PDE1A: variants seen among roughly 807,000 people sequenced by gnomAD.
PDE1A encodes the protein dual specificity calcium/calmodulin-dependent 3',5'-cyclic nucleotide phosphodiesterase 1A.
In PDE1A, 35 loss-of-function variants were observed where a neutral mutation model predicts 61.7. That is an observed-to-expected ratio of 0.57 (90% CI 0.43 to 0.75). PDE1A has a LOEUF of 0.75. Ranked by LOEUF, PDE1A falls within the 30% of genes least tolerant of loss-of-function variation. PDE1A has a pLI of 0.00. For synonymous variants in PDE1A, 232 were observed against 213.2 expected (o/e 1.09, Z -0.77); for missense variants, 597 against 630.6 (o/e 0.95, Z 0.57).
chr2:182,463,304 A>T (rs1361827091), intron 2 of PDE1A, among the ~76,000 whole-genome samples: 1 of 151,902 alleles, frequency 6.6e-6, no homozygotes, highest in Non-Finnish European at 1.5e-5. Flanking sequence ...AAGGGTCTCA[A>T]TGTATCTGAA....
At chr2:182,441,560 G>A (rs750291748) in intron 2 of PDE1A, among the ~76,000 whole-genome samples, 28 of 151,990 alleles carry the variant, frequency 1.8e-4, no homozygotes, top group Non-Finnish European at 3.5e-4. Flanking sequence ...TGTCCAGTGA[G>A]AGGAGCAAGA....
intron 2 of PDE1A, among the ~76,000 whole-genome samples, chr2:182,262,402 A>G (rs1692291202): frequency 6.6e-6 from 1 of 152,050 alleles, no homozygotes; most frequent in Non-Finnish European, 1.5e-5. Context: ...AATAGCTGGG[A>G]CTACAGACAC....
intron 7 of PDE1A, among the ~76,000 whole-genome samples, chr2:182,214,265 C>A (rs1278602451): frequency 6.6e-6 from 1 of 151,696 alleles, no homozygotes; most frequent in Non-Finnish European, 1.5e-5. Flanking sequence ...CTGAAGGAAG[C>A]ACTAAACATG....
At chr2:182,540,951 A>G in the PDE1A span, among the ~76,000 whole-genome samples, 1 of 152,194 alleles carries the variant, frequency 6.6e-6, no homozygotes, top group African/African-American at 2.4e-5. Context: ...ATTCCATGCA[A>G]GAAAACTCAA....
At chr2:182,185,623 A>C (rs907481481) in intron 13 of PDE1A, among the ~76,000 whole-genome samples, 2 of 152,164 alleles carry the variant, frequency 1.3e-5, no homozygotes, top group Non-Finnish European at 2.9e-5. Flanking sequence ...TTTTGTCACC[A>C]TTTCATTATC....
At chr2:182,633,602 G>C in the PDE1A span, among the ~76,000 whole-genome samples, 2 of 152,176 alleles carry the variant, frequency 1.3e-5, no homozygotes, top group African/African-American at 4.8e-5. Context: ...AGCAGAAATA[G>C]GAATCATGTG....
chr2:182,567,965 G>C, the PDE1A span, among the ~76,000 whole-genome samples: 1 of 151,492 alleles, frequency 6.6e-6, no homozygotes, highest in African/African-American at 2.4e-5. Flanking sequence ...GCTAATTTTT[G>C]TATTTTTAGT....
intron 2 of PDE1A, among the ~76,000 whole-genome samples, chr2:182,450,203 A>G (rs144665010): frequency 1.3e-5 from 2 of 152,180 alleles, no homozygotes; most frequent in East Asian, 1.9e-4. Flanking sequence ...CTTTTATTCA[A>G]TACCAAAGGA....
At chr2:182,400,738 A>AGGG (rs372557212) in intron 1 of PDE1A, among the ~76,000 whole-genome samples, 5 of 152,336 alleles carry the variant, frequency 3.3e-5, no homozygotes, top group Non-Finnish European at 5.9e-5. Context: ...GAAAAATATT[A>AGGG]GGAAATCAAG....
the PDE1A span, among the ~76,000 whole-genome samples, chr2:182,532,034 C>CTT: frequency 1.3e-5 from 2 of 152,080 alleles, no homozygotes; most frequent in African/African-American, 2.4e-5. Context: ...TGAACTCATT[C>CTT]TTTTTTGTGG....
intron 2 of PDE1A, among the ~76,000 whole-genome samples, chr2:182,438,894 T>C (rs563416768): frequency 1.3e-5 from 2 of 152,098 alleles, no homozygotes; most frequent in East Asian, 3.9e-4. Flanking sequence ...GAAAATATTT[T>C]TTAGGATTAC....
intron 1 of PDE1A, among the ~76,000 whole-genome samples, chr2:182,319,098 T>G (rs1287503698): frequency 2.0e-5 from 3 of 152,138 alleles, no homozygotes; most frequent in African/African-American, 7.2e-5. Flanking sequence ...TTCGGTAATT[T>G]TTGCTTTTGC....
chr2:182,378,566 C>T (rs1427098269), intron 1 of PDE1A, among the ~76,000 whole-genome samples: 2 of 152,072 alleles, frequency 1.3e-5, no homozygotes, highest in African/African-American at 4.8e-5. Context: ...TTGTCATGAC[C>T]ATAGTGATTT....
chr2:182,428,425 G>C (rs377292217), upstream of PDE1A, among the ~76,000 whole-genome samples: 1 of 151,996 alleles, frequency 6.6e-6, no homozygotes, highest in African/African-American at 2.4e-5. Context: ...AAATAAGGAA[G>C]CTATAAATAA....
intron 2 of PDE1A, among the ~76,000 whole-genome samples, chr2:182,256,563 G>A (rs374168642): frequency 1.1e-4 from 17 of 152,076 alleles, no homozygotes; most frequent in South Asian, 2.1e-4. Flanking sequence ...ACATGCACAC[G>A]TATGTTTATT....
At chr2:182,265,120 G>C (rs1410123990) in intron 1 of PDE1A, among the ~76,000 whole-genome samples, 1 of 151,122 alleles carries the variant, frequency 6.6e-6, no homozygotes, top group African/African-American at 2.4e-5. Flanking sequence ...AGAGTGGGAG[G>C]GGGTGTGGGA....
At chr2:182,543,115 T>A in the PDE1A span, among the ~76,000 whole-genome samples, 1 of 152,170 alleles carries the variant, frequency 6.6e-6, no homozygotes, top group Non-Finnish European at 1.5e-5. Context: ...AGGGTAGCCA[T>A]CAGAGGAGAC....
At chr2:182,169,203 C>G (rs1424745034) in intron 13 of PDE1A, among the ~76,000 whole-genome samples, 1 of 151,926 alleles carries the variant, frequency 6.6e-6, no homozygotes, top group Non-Finnish European at 1.5e-5. Flanking sequence ...GGTTTCTTCT[C>G]TTTACTATTT....
At chr2:182,700,147 T>A in the PDE1A span, among the ~76,000 whole-genome samples, 119 of 152,326 alleles carry the variant, frequency 7.8e-4, no homozygotes, top group African/African-American at 2.7e-3. Context: ...TCATAGTAGG[T>A]CACATTTCCC....
Sources: allele counts gnomAD v4.1 joint callset (sites outside exome capture counted in the v4.1 genomes callset), GRCh38; gene constraint gnomAD v4.1.1; transcripts MANE v1.5; gene names NCBI Gene and HGNC (gene_info 2026-07-23, HGNC 2026-07-21).